Variants in MYH6 observed in about 807,000 individuals in gnomAD.
The protein encoded by MYH6 is myosin heavy chain 6, also known as myosin-6.
A neutral mutation model predicts 223.2 loss-of-function variants in MYH6; 126 were observed. That is an observed-to-expected ratio of 0.56 (90% CI 0.49 to 0.65). MYH6 has a LOEUF of 0.65. Ranked by LOEUF, MYH6 falls within the 30% of genes least tolerant of loss-of-function variation. The pLI is 0.00. For missense variants in MYH6, 2,040 were observed against 2,536.4 expected, an observed-to-expected ratio of 0.80 and a Z score of 4.20; for synonymous variants, 978 against 1,010.2, an observed-to-expected ratio of 0.97 and a Z score of 0.61.
At chr14:23,387,004 G>C (rs1891049391) in intron 32 of MYH6, among the ~76,000 whole-genome samples, 1 of 152,112 alleles carries the variant, frequency 6.6e-6, no homozygotes. Flanking sequence ...AGAAAACTCA[G>C]GGCTATTCCC....
intron 18 of MYH6, 24 bp downstream of exon 18, chr14:23,396,939 G>A (rs577714233): frequency 1.2e-6 from 2 of 1,612,248 alleles, no homozygotes; most frequent in Admixed American, 1.7e-5. Context: ...TGTTCTATGA[G>A]CTCTGGGGCA....
At chr14:23,406,930 C>T in intron 3 of MYH6, 93 bp downstream of exon 3, 2 of 1,394,336 alleles carry the variant, frequency 1.4e-6, no homozygotes, top group Non-Finnish European at 2.0e-6. Context: ...GGCTTTTCTC[C>T]AGCCCTCTCA....
Position 23,407,456 on chromosome 14 carries a change from G to T in MYH6, c.-14+120C>A. ...TAAGGGGTTTCCCTGGGGTGGCATT[G>T]GCTGGAGTATGCTAAGGGTTGGCGC... On this transcript the variant is annotated intron_variant, in intron 2 of 38. Transcript: ENST00000405093. This position sits in a 1 kb window ranked among gnomAD's most constrained non-coding sequence, Gnocchi z 5.6. The T allele has an allele frequency of 8.3e-7, 1 of 1,208,632 alleles. No homozygotes were observed. Among genetic ancestry groups the T allele is most frequent in the Non-Finnish European group, 1.1e-6 (1 of 897,676 alleles). 74.9% of individuals were successfully genotyped at this position (1,208,632 alleles called of 1,614,324 possible).
Position 23,388,971 on chromosome 14 carries a change from C to A in MYH6, c.4063G>T (p.Ala1355Ser). 6.2e-7 allele frequency: 1 copy of A among 1,613,778 alleles called. No individual in the cohort carries two copies. The highest frequency in any genetic ancestry group is 8.5e-7 in the Non-Finnish European group (1 of 1,180,022). Residue 1355 changes from alanine to serine, a missense_variant, in exon 29 of 39, where the codon GCC (alanine) becomes TCC (serine). Ala to Ser is a moderately conservative substitution (Grantham distance 99). Transcript: ENST00000405093. The stretch of plus-strand genomic sequence containing the variant: ...AGGACGCGCTGCAGCTCGGCCTTGG[C>A]CTCTGTCTCCTCCTCGTACTGCTCC... ...LREQYEEETEAKAELQRVLSK... is the reference protein window; with the variant it reads ...LREQYEEETESKAELQRVLSK...
At chr14:23,399,210 A>G (rs1261930190) in intron 14 of MYH6, among the ~76,000 whole-genome samples, 173 bp from the exon 15 acceptor site, 1 of 152,202 alleles carries the variant, frequency 6.6e-6, no homozygotes, top group African/African-American at 2.4e-5. Flanking sequence ...CTGGAATTTA[A>G]AAAGCCCCTT....
chr14:23,397,153 G>T lies in MYH6; in HGVS notation c.2050+17C>A, dbSNP rs1473513088. 2.5e-6 allele frequency: 4 copies of T among 1,614,192 alleles called. No homozygotes were observed. Among genetic ancestry groups the T allele is most frequent in the Non-Finnish European group, 3.4e-6 (4 of 1,180,020 alleles). On this transcript the variant is annotated intron_variant, in intron 17 of 38. Coordinates refer to ENST00000405093, the MANE Select transcript of MYH6 (RefSeq NM_002471.4). The stretch of plus-strand genomic sequence containing the variant: ...TGCCAGCTGTCCTCCCCAGACTAAG[G>T]TCTTCTCCTGGCTCACCTGGAGCCT...
chr14:23,389,371 C>T (rs781435026), intron 28 of MYH6, 22 bp downstream of exon 28: 1 of 1,611,932 alleles, frequency 6.2e-7, no homozygotes, highest in Non-Finnish European at 8.5e-7. Flanking sequence ...CAAGCCTGCC[C>T]ACCCTCCCCA....
chr14:23,402,208 G>A (rs1393047147), intron 12 of MYH6, among the ~76,000 whole-genome samples: 1 of 152,206 alleles, frequency 6.6e-6, no homozygotes, highest in Admixed American at 6.5e-5. Context: ...CTCAGGGGCT[G>A]TGCTTCCTGG....
chr14:23,394,288 G>T lies in MYH6; in HGVS notation c.2465C>A (p.Ala822Asp), dbSNP rs1891329945. ...GGGCCAATTCTTGACCCCCATGAAG[G>T]CCCGAATGTTCCACTGGATTACCAG... The part of the protein sequence containing the change: ...ALLVIQWNIR[A>D]FMGVKNWPWM... The change falls in exon 21 of 39, where the codon GCC (alanine) becomes GAC (aspartate). Residue 822 changes from alanine to aspartate, a missense_variant. Around this residue, in one of 4 missense-constraint regions of MYH6, gnomAD observed 649 missense variants for 877.3 expected, o/e 0.74. Transcript: ENST00000405093. 1.2e-6 allele frequency: 2 copies of T among 1,614,184 alleles called. No individual in the cohort carries two copies. The highest frequency in any genetic ancestry group is 1.7e-6 in the Non-Finnish European group (2 of 1,180,036).
At chr14:23,383,374 C>T in intron 36 of MYH6, 54 bp from the exon 37 acceptor site, 3 of 1,333,198 alleles carry the variant, frequency 2.3e-6, no homozygotes, top group Non-Finnish European at 3.2e-6. Flanking sequence ...AATGCAATCA[C>T]CTTTCCCTCC....
At chr14:23,387,462 C>G in intron 32 of MYH6, 67 bp downstream of exon 32, 5 of 1,605,742 alleles carry the variant, frequency 3.1e-6, no homozygotes, top group Non-Finnish European at 4.2e-6. Context: ...GGGTCACCCC[C>G]AGGTGAGGGA....
rs921216884 is a variant in MYH6 at position 23,396,818 on chromosome 14, C to A, written c.2169-1G>T. ...GGCCACTGGGTTCAGGATGCGATAC[C>A]TGAGGAGGGAAGTGTCCAGAGTCAC... On this transcript the variant is annotated splice_acceptor_variant, in intron 18 of 38. Coordinates refer to ENST00000405093, the MANE Select transcript of MYH6 (RefSeq NM_002471.4). LOFTEE classifies it high-confidence loss of function. 3 of 1,613,976 alleles carry A rather than the reference C, an allele frequency of 1.9e-6. No homozygotes were observed. In the Admixed American group the frequency reaches 5.0e-5, roughly 27 times the overall value.
intron 15 of MYH6, 85 bp from the exon 16 acceptor site, chr14:23,397,698 G>T (rs892106594): frequency 1.5e-6 from 2 of 1,374,982 alleles, no homozygotes; most frequent in African/African-American, 1.4e-5. Context: ...TGCTCGCTTG[G>T]TAGCTCTGAG....
Position 23,405,582 on chromosome 14 carries a change from T to C in MYH6, c.345+45A>G. On this transcript the variant is annotated intron_variant, in intron 4 of 38. Transcript: ENST00000405093. The surrounding 1 kb of genome is among the most constrained non-coding windows in gnomAD (Gnocchi z 4.7). ...AGAGCCCCCCTGGCTTATTTAGGCCTCCACGCAGCACAGGAAGCCTCTGCA... is the reference window on the plus strand; with the variant it reads ...AGAGCCCCCCTGGCTTATTTAGGCCCCCACGCAGCACAGGAAGCCTCTGCA... 1 of 1,613,712 alleles carries C rather than the reference T, an allele frequency of 6.2e-7. No individual in the cohort carries two copies. Among genetic ancestry groups the C allele is most frequent in the South Asian group, 1.1e-5 (1 of 91,046 alleles).
rs1891039860 is a variant in MYH6, at chr14:23,386,734, G to A, written c.4651-111C>T. ...GACTATCGCCCAGAGAAGAAGAGCTGAGAAGAGATGGGGAGGTGGGATCTG... is the reference window on the plus strand; with the variant it reads ...GACTATCGCCCAGAGAAGAAGAGCTAAGAAGAGATGGGGAGGTGGGATCTG... On this transcript the variant is annotated intron_variant, in intron 32 of 38. Transcript: ENST00000405093. 3 of 1,336,050 alleles carry A rather than the reference G, an allele frequency of 2.2e-6. No individual in the cohort carries two copies. In the Admixed American group the frequency reaches 6.6e-5, roughly 29 times the overall value. 82.8% of individuals were successfully genotyped at this position (1,336,050 alleles called of 1,614,324 possible). A position where few individuals can be genotyped will look rare whatever the true frequency, so the allele number is the denominator to read the frequency against.
At position 23,396,316 on chromosome 14, in the gene MYH6, C is replaced by T. The variant is rs199993769; in HGVS notation, c.2397G>A (p.Met799Ile). The change falls in exon 20 of 39, where the codon ATG (methionine) becomes ATA (isoleucine). Residue 799 changes from methionine to isoleucine, a missense_variant. Physicochemically the swap from Met to Ile is conservative, Grantham distance 10. This residue lies in a region of MYH6 where 649 missense variants were observed against 877.3 expected (regional missense o/e 0.74). Transcript: ENST00000405093. ...RMQAQARGQLMRIEFKKIVER... is the reference protein window; with the variant it reads ...RMQAQARGQLIRIEFKKIVER... ...CCACTATCTTCTTGAACTCAATGCGCATGAGCTGGCCCCGGGCTTGGGCCT... is the reference window on the plus strand; with the variant it reads ...CCACTATCTTCTTGAACTCAATGCGTATGAGCTGGCCCCGGGCTTGGGCCT... The T allele has an allele frequency of 2.5e-5, 40 of 1,614,206 alleles. No individual in the cohort carries two copies. The East Asian group carries it at 8.2e-4, about 33-fold the overall frequency.
Position 23,405,188 on chromosome 14 carries a change from G to A in MYH6, c.502+35C>T. 3 of 1,614,020 alleles carry A rather than the reference G, an allele frequency of 1.9e-6. No homozygotes were observed. The highest frequency in any genetic ancestry group is 1.1e-5 in the South Asian group (1 of 91,064). ...GCTGAGGATCTGGGTGGGTGTCTGG[G>A]AGGAGGAGCAGAGACCAGGGGCCAC... On this transcript the variant is annotated intron_variant, in intron 5 of 38. Coordinates refer to ENST00000405093, the MANE Select transcript of MYH6 (RefSeq NM_002471.4). The surrounding 1 kb of genome is among the most constrained non-coding windows in gnomAD (Gnocchi z 4.7).
rs762198317 is a variant in MYH6, at chr14:23,407,284, T to C, written c.-13-48A>G. On this transcript the variant is annotated intron_variant, in intron 2 of 38. Coordinates refer to ENST00000405093, the MANE Select transcript of MYH6 (RefSeq NM_002471.4). This position sits in a 1 kb window ranked among gnomAD's most constrained non-coding sequence, Gnocchi z 5.6. ...ATGTTACTCCTGAGGGAGCCCAGGC[T>C]CCAGCGAGTGGCTTTGTCCTCTGCA... is the stretch of plus-strand genomic sequence containing the variant. 1.2e-6 allele frequency: 2 copies of C among 1,605,042 alleles called. No homozygotes were observed. Among genetic ancestry groups the C allele is most frequent in the Non-Finnish European group, 1.7e-6 (2 of 1,173,930 alleles).
chr14:23,403,174 G>A (rs761715807), intron 10 of MYH6, among the ~76,000 whole-genome samples, 174 bp downstream of exon 10: 7 of 152,020 alleles, frequency 4.6e-5, no homozygotes, highest in African/African-American at 9.7e-5. Context: ...GAGAGGAGAC[G>A]CAGGTGGTCT....
Sources: gnomAD v4.1 joint callset for allele counts (sites outside exome capture counted in the v4.1 genomes callset) on GRCh38, gnomAD v4.1.1 for gene constraint, gnomAD v4.1.1 regional missense constraint, Gnocchi (gnomAD v3.1) non-coding constraint, MANE v1.5 for transcripts, NCBI Gene and HGNC (gene_info 2026-07-23, HGNC 2026-07-21) for gene names.